CFHR3: variants seen among roughly 807,000 people sequenced by gnomAD.
The protein encoded by CFHR3 is complement factor H-related protein 3.
CFHR3 carries 22 observed loss-of-function variants against 36.0 expected under a neutral mutation model. That is an observed-to-expected ratio of 0.61 (90% confidence interval 0.44 to 0.87). CFHR3 has a LOEUF of 0.87. Ranked by LOEUF, CFHR3 falls within the 40% of genes least tolerant of loss-of-function variation. The probability of loss-of-function intolerance (pLI) is 0.00; values close to 1 mark genes in which losing one functional copy is unlikely to be tolerated. For missense variants in CFHR3, 276 were observed against 401.3 expected (o/e 0.69, Z 2.67); for synonymous variants, 97 against 137.4 (o/e 0.71, Z 2.06).
At position 196,793,410 on chromosome 1, in the gene CFHR3, C is replaced by T. The variant is rs779802528; in HGVS notation, c.890C>T (p.Thr297Ile). Reference sequence around the variant, plus strand: ...AAATATTATGCAAAAACAGGGGATACCATTGAATTTATGTGTAAATTGGGA... The same window carrying T: ...AAATATTATGCAAAAACAGGGGATATCATTGAATTTATGTGTAAATTGGGA... ...DRKYYAKTGD[T>I]IEFMCKLGYN... Residue 297 changes from threonine to isoleucine, a missense_variant, in exon 6 of 6, where the codon ACC (threonine) becomes ATC (isoleucine). This residue lies in a region of CFHR3 where 76 missense variants were observed against 79.8 expected (regional missense o/e 0.95). Coordinates refer to ENST00000367425, the MANE Select transcript of CFHR3 (RefSeq NM_021023.6). 1 of 1,526,278 alleles carries T rather than the reference C, an allele frequency of 6.6e-7. No individual in the cohort carries two copies. The highest frequency in any genetic ancestry group is 8.9e-7 in the Non-Finnish European group (1 of 1,128,988). 94.5% of individuals were successfully genotyped at this position (1,526,278 alleles called of 1,614,324 possible).
Position 196,779,842 on chromosome 1 carries a change from A to G in CFHR3, c.299A>G (p.Tyr100Cys), listed in dbSNP as rs116375156. 4.6e-4 allele frequency: 706 copies of G among 1,532,386 alleles called. 187 individuals are homozygous for G. The African/African-American group carries it at 0.011, about 23-fold the overall frequency. 94.9% of individuals were successfully genotyped at this position (1,532,386 alleles called of 1,614,324 possible). The part of the protein sequence containing the change: ...PYLENGYNQN[Y>C]GRKFVQGNST... ...TTGGAAAATGGATATAATCAAAATTATGGAAGAAAGTTTGTACAGGGTAAC... is the reference window on the plus strand; with the variant it reads ...TTGGAAAATGGATATAATCAAAATTGTGGAAGAAAGTTTGTACAGGGTAAC... Residue 100 changes from tyrosine to cysteine, a missense_variant, in exon 3 of 6, where the codon TAT (tyrosine) becomes TGT (cysteine). By Grantham distance (194) the Tyr-to-Cys change is radical. Around this residue, in one of 3 missense-constraint regions of CFHR3, gnomAD observed 178 missense variants for 247.2 expected, o/e 0.72. Transcript: ENST00000367425.
chr1:196,789,371 T>A (rs1654334614), intron 4 of CFHR3: 2 of 902,060 alleles, frequency 2.2e-6, no homozygotes, highest in African/African-American at 4.5e-5. Flanking sequence ...TATGAATTCC[T>A]ACATTTCTAG....
rs1420203559 is a variant in CFHR3, at chr1:196,781,595, GTCT to G, written c.430+1627_430+1629del. On this transcript the variant is annotated intron_variant, in intron 3 of 5. Transcript: ENST00000367425. ...TCATGTGTTTTTTGGCTGCGTAAAT[GTCT>G]TCTTTTGAGAAGCATCTGTTCATGT... 2.2e-5 allele frequency among the ~76,000 whole-genome samples: 3 copies of G among 137,058 alleles called. 1 individual carries two copies. In the South Asian group the frequency reaches 7.6e-4, roughly 35 times the overall value. The allele number at this position is 137,058 out of a possible 152,430, so 89.9% of individuals were successfully genotyped here.
rs391503 is a variant in CFHR3, at chr1:196,793,778, G to T, written c.*265G>T. ...TTATCAATGAATTAGTAAGTATAGA[G>T]ACAGACAGCTGAATGGCTTTCTGCA... On this transcript the variant is annotated 3_prime_UTR_variant, in exon 6 of 6. Transcript: ENST00000367425. 3 of 307,962 alleles carry T rather than the reference G, an allele frequency of 9.7e-6. 1 individual carries two copies. Among genetic ancestry groups the T allele is most frequent in the Non-Finnish European group, 1.8e-5 (3 of 170,042 alleles). The allele number at this position is 307,962 out of a possible 1,614,324, so 19.1% of individuals were successfully genotyped here.
rs1368049726 is a variant in CFHR3, at chr1:196,775,101, AT to A, written c.58+161del. 2.9e-5 allele frequency among the ~76,000 whole-genome samples: 4 copies of A among 137,362 alleles called. 1 individual carries two copies. Among genetic ancestry groups the A allele is most frequent in the African/African-American group, 1.2e-4 (4 of 33,258 alleles). The allele number at this position is 137,362 out of a possible 152,430, so 90.1% of individuals were successfully genotyped here. The stretch of plus-strand genomic sequence containing the variant: ...TTTTGTGAGAGTATAACAGAAATTA[AT>A]TTTATAAAAAATTATCTCATTTTAA... On this transcript the variant is annotated intron_variant, in intron 1 of 5. Coordinates refer to ENST00000367425, the MANE Select transcript of CFHR3 (RefSeq NM_021023.6).
At chr1:196,784,840 G>A (rs1353676522) in intron 3 of CFHR3, among the ~76,000 whole-genome samples, 1 of 134,688 alleles carries the variant, frequency 7.4e-6, no homozygotes, top group Non-Finnish European at 1.6e-5. Flanking sequence ...ATTTGATCCT[G>A]TCATTATGAT....
In CFHR3 at chr1:196,792,935, G is replaced by C. The variant is rs190289164; in HGVS notation, c.797-382G>C. Among the ~76,000 whole-genome samples the C allele has an allele frequency of 2.2e-5, 3 of 136,284 alleles. No individual in the cohort carries two copies. The East Asian group carries it at 5.9e-4, about 27-fold the overall frequency. 89.4% of individuals were successfully genotyped at this position (136,284 alleles called of 152,430 possible). ...AAATGTGAGTACATTTGGAGTGCTT[G>C]TAGTCACGGCTTGTCGAATGGGGGA... On this transcript the variant is annotated intron_variant, in intron 5 of 5. Coordinates refer to ENST00000367425, the MANE Select transcript of CFHR3 (RefSeq NM_021023.6).
Position 196,790,913 on chromosome 1 carries a change from T to A in CFHR3, c.796+686T>A, listed in dbSNP as rs568071460. ...TATTGCGCACATATGAAATATGGCATCTCAGCTTAACACCAGTAATCATTT... is the reference window on the plus strand; with the variant it reads ...TATTGCGCACATATGAAATATGGCAACTCAGCTTAACACCAGTAATCATTT... On this transcript the variant is annotated intron_variant, in intron 5 of 5. Coordinates refer to ENST00000367425, the MANE Select transcript of CFHR3 (RefSeq NM_021023.6). Among the ~76,000 whole-genome samples the A allele has an allele frequency of 2.9e-5, 4 of 136,174 alleles. 1 individual carries two copies. Among genetic ancestry groups the A allele is most frequent in the African/African-American group, 1.2e-4 (4 of 32,666 alleles). 89.3% of individuals were successfully genotyped at this position (136,174 alleles called of 152,430 possible). A position where few individuals can be genotyped will look rare whatever the true frequency, so the allele number is the denominator to read the frequency against.
intron 4 of CFHR3, 49 bp downstream of exon 4, chr1:196,788,447 T>C: frequency 6.6e-7 from 1 of 1,507,974 alleles, no homozygotes; most frequent in South Asian, 1.3e-5. Flanking sequence ...TTCGTTCCTC[T>C]CTTTGAGATG....
At position 196,774,956 on chromosome 1, in the gene CFHR3, GA is replaced by G; in HGVS notation, c.58+13del. 2.0e-6 allele frequency: 3 copies of G among 1,517,964 alleles called. 1 individual carries two copies. The highest frequency in any genetic ancestry group is 8.9e-7 in the Non-Finnish European group (1 of 1,120,288). 94.0% of individuals were successfully genotyped at this position (1,517,964 alleles called of 1,614,324 possible). On this transcript the variant is annotated intron_variant, in intron 1 of 5. Transcript: ENST00000367425. ...TGCTAATGGACAAGGTAAGTTAAAA[GA>G]GATCTAAACACTCAGCTTCCCTCTT...
At chr1:196,780,357 C>T (rs1326466888) in intron 3 of CFHR3, among the ~76,000 whole-genome samples, 1 of 137,208 alleles carries the variant, frequency 7.3e-6, no homozygotes, top group Non-Finnish European at 1.5e-5. Context: ...AGAAGGTTTC[C>T]TACAGTATTT....
rs1654527230 is a variant in CFHR3, at chr1:196,794,598, T to A, written c.*1085T>A. ...TTCATATATGGTTTTTTGCATTTCT[T>A]ATTAAGTTTTGCTTCAGATTTTTTT... On this transcript the variant is annotated 3_prime_UTR_variant, in exon 6 of 6. Transcript: ENST00000367425. 3.8e-5 allele frequency: 15 copies of A among 391,348 alleles called. 3 individuals carry two copies. Among genetic ancestry groups the A allele is most frequent in the South Asian group, 3.1e-4 (15 of 47,704 alleles). The allele number at this position is 391,348 out of a possible 1,614,324, so 24.2% of individuals were successfully genotyped here.
At chr1:196,783,454 G>A (rs1186514791) in intron 3 of CFHR3, among the ~76,000 whole-genome samples, 1 of 131,898 alleles carries the variant, frequency 7.6e-6, no homozygotes, top group Non-Finnish European at 1.6e-5. Context: ...TGGTTGGTAA[G>A]CTATTGATTA....
intron 3 of CFHR3, among the ~76,000 whole-genome samples, chr1:196,785,946 G>T (rs1183157382): frequency 7.4e-6 from 1 of 134,846 alleles, no homozygotes; most frequent in East Asian, 2.0e-4. Context: ...TCTACTTTTG[G>T]TCTTTGATGA....
chr1:196,785,326 A>G (rs1162090242), intron 3 of CFHR3, among the ~76,000 whole-genome samples: 4 of 133,118 alleles, frequency 3.0e-5, no homozygotes, highest in African/African-American at 1.3e-4. Context: ...CGTTCTCTGT[A>G]TTTCCTGAAT....
At chr1:196,779,654 AT>A (rs1299102477) in intron 2 of CFHR3, 142 bp from the exon 3 acceptor site, 1 of 1,053,404 alleles carries the variant, frequency 9.5e-7, no homozygotes, top group Non-Finnish European at 1.3e-6. Context: ...TTTGTTAGTA[AT>A]TTTGGTTCAT....
Position 196,787,519 on chromosome 1 carries a change from T to A in CFHR3, c.431-697T>A, listed in dbSNP as rs1167641442. ...AATTAGAAAAGAACATATACATTAC[T>A]AATATCTTAAAACATATGCGTTACT... On this transcript the variant is annotated intron_variant, in intron 3 of 5. Coordinates refer to ENST00000367425, the MANE Select transcript of CFHR3 (RefSeq NM_021023.6). 7.3e-5 allele frequency among the ~76,000 whole-genome samples: 10 copies of A among 137,762 alleles called. 1 individual carries two copies. The highest frequency in any genetic ancestry group is 1.4e-4 in the Non-Finnish European group (9 of 64,808). 90.4% of individuals were successfully genotyped at this position (137,762 alleles called of 152,430 possible). A position where few individuals can be genotyped will look rare whatever the true frequency, so the allele number is the denominator to read the frequency against.
chr1:196,788,275 A>T lies in CFHR3; in HGVS notation c.490A>T (p.Ile164Phe), dbSNP rs1348263235. Reference protein sequence around the residue: ...ENGFISESSSIYILNKEIQYK... With the variant: ...ENGFISESSSFYILNKEIQYK... ...TGGATTCATTTCCGAATCTTCCTCT[A>T]TTTATATTTTAAATAAAGAAATACA... Residue 164 changes from isoleucine to phenylalanine, a missense_variant, in exon 4 of 6, where the codon ATT becomes TTT. Physicochemically the swap from Ile to Phe is conservative, Grantham distance 21 (BLOSUM62 0). Around this residue, in one of 3 missense-constraint regions of CFHR3, gnomAD observed 178 missense variants for 247.2 expected, o/e 0.72. Coordinates refer to ENST00000367425, the MANE Select transcript of CFHR3 (RefSeq NM_021023.6). 7.4e-7 allele frequency: 1 copy of T among 1,356,802 alleles called. No homozygotes were observed. Among genetic ancestry groups the T allele is most frequent in the Middle Eastern group, 2.2e-4 (1 of 4,506 alleles). The allele number at this position is 1,356,802 out of a possible 1,614,324, so 84.0% of individuals were successfully genotyped here.
chr1:196,792,842 C>T (rs1654465595), intron 5 of CFHR3, among the ~76,000 whole-genome samples: 1 of 136,942 alleles, frequency 7.3e-6, no homozygotes, highest in South Asian at 2.5e-4. Flanking sequence ...AAAGATTATA[C>T]CTTTCTACAG....
Sources: gnomAD v4.1 joint callset for allele counts (sites outside exome capture counted in the v4.1 genomes callset) on GRCh38, gnomAD v4.1.1 for gene constraint, gnomAD v4.1.1 regional missense constraint, MANE v1.5 for transcripts, NCBI Gene and HGNC (gene_info 2026-07-23, HGNC 2026-07-21) for gene names.